Variants in ECHDC2 observed in about 807,000 individuals in gnomAD.
ECHDC2 encodes enoyl-CoA hydratase domain-containing protein 2, mitochondrial.
A neutral mutation model predicts 40.6 loss-of-function variants in ECHDC2; 34 were observed. The ratio of observed to expected loss-of-function variants is 0.84; its 90% CI spans 0.64 to 1.11. The LOEUF (loss-of-function observed/expected upper bound fraction) is 1.11. ECHDC2 is among the 50% of genes most tolerant of loss of function. The probability of loss-of-function intolerance (pLI) is 0.00; values close to 1 mark genes in which losing one functional copy is unlikely to be tolerated. For missense variants in ECHDC2, 392 were observed against 400.7 expected (o/e 0.98, Z 0.19); for synonymous variants, 162 against 166.6 (o/e 0.97, Z 0.21).
At chr1:52,908,023 G>A in intron 3 of ECHDC2, 69 bp from the exon 4 acceptor site, 1 of 1,470,612 alleles carries the variant, frequency 6.8e-7, no homozygotes, top group Non-Finnish European at 9.5e-7. Flanking sequence ...GGCGGTTAAA[G>A]GATCCAGCAA....
Position 52,914,109 on chromosome 1 carries a change from C to G in ECHDC2, c.122-2319G>C. On this transcript the variant is annotated intron_variant, in intron 1 of 9. Coordinates refer to ENST00000371522, the MANE Select transcript of ECHDC2 (RefSeq NM_001198961.2). The surrounding 1 kb of genome is among the most constrained non-coding windows in gnomAD (Gnocchi z 4.0). ...GGAACCTACAGCCTAGTGGGGAAGA[C>G]AGACATTAAATAATTACTATTTGTG... 1.9e-6 allele frequency: 1 copy of G among 526,380 alleles called. No individual in the cohort carries two copies. 32.6% of individuals were successfully genotyped at this position (526,380 alleles called of 1,614,324 possible).
Position 52,904,780 on chromosome 1 carries a change from T to C in ECHDC2, c.568A>G (p.Ile190Val). ...CCACTCAGTCGTCGGCCCGTGAAGA[T>C]GAGCTCCTTCGCCAGGGCCACCCCC... is the stretch of plus-strand genomic sequence containing the variant. ...CLGVALAKEL[I>V]FTGRRLSGTE... Residue 190 changes from isoleucine (I) to valine (V), a missense_variant, in exon 7 of 10, where the codon ATC (isoleucine) becomes GTC (valine). By Grantham distance (29) the Ile-to-Val change is conservative. Transcript: ENST00000371522. The C allele has an allele frequency of 6.2e-7, 1 of 1,613,206 alleles. No homozygotes were observed. Among genetic ancestry groups the C allele is most frequent in the Non-Finnish European group, 8.5e-7 (1 of 1,179,952 alleles).
intron 7 of ECHDC2, among the ~76,000 whole-genome samples, chr1:52,903,336 A>G (rs1647109584): frequency 6.6e-6 from 1 of 151,986 alleles, no homozygotes; most frequent in South Asian, 2.1e-4. Context: ...GGTGATTTCT[A>G]AGATTTTGGT....
At chr1:52,905,123 C>T in intron 5 of ECHDC2, 33 bp from the exon 6 acceptor site, 1 of 1,611,632 alleles carries the variant, frequency 6.2e-7, no homozygotes, top group Non-Finnish European at 8.5e-7. Context: ...GGCCTCCCTC[C>T]CCCATCCGGT....
At chr1:52,911,453 G>A (rs2275758) in intron 3 of ECHDC2, 113 bp downstream of exon 3, 35,056 of 1,010,770 alleles carry the variant, frequency 0.035, 1,400 homozygotes, top group East Asian at 0.21. Flanking sequence ...CATTCACATC[G>A]GTAAAATGGC....
chr1:52,917,223 GAAAA>G (rs569946278), intron 1 of ECHDC2, among the ~76,000 whole-genome samples: 1 of 99,918 alleles, frequency 1.0e-5, no homozygotes, highest in Non-Finnish European at 2.3e-5. Flanking sequence ...CCATCTCAAA[GAAAA>G]AAAAAAAAAA....
chr1:52,911,490 T>G, intron 3 of ECHDC2, 76 bp downstream of exon 3: 1 of 1,416,402 alleles, frequency 7.1e-7, no homozygotes, highest in East Asian at 2.3e-5. Context: ...CTGAAGCTGA[T>G]CTAAGGTTTC....
intron 4 of ECHDC2, 73 bp from the exon 5 acceptor site, chr1:52,906,684 G>A (rs569167927): frequency 1.5e-6 from 2 of 1,319,770 alleles, no homozygotes; most frequent in East Asian, 2.5e-5. Context: ...GCTGGGGAGG[G>A]GCAAGCTGGT....
Position 52,914,729 on chromosome 1 carries a change from TACCTC to T in ECHDC2, c.122-2944_122-2940del, listed in dbSNP as rs929080383. ...GAAGTTGATCCTGTCACCTCGCTCTTACCTCACCTACAAAATGCACTCAGTCACTA... is the reference window on the plus strand; with the variant it reads ...GAAGTTGATCCTGTCACCTCGCTCTTACCTACAAAATGCACTCAGTCACTA... On this transcript the variant is annotated intron_variant, in intron 1 of 9. Transcript: ENST00000371522. The surrounding 1 kb of genome is among the most constrained non-coding windows in gnomAD (Gnocchi z 4.0). 4.6e-5 allele frequency among the ~76,000 whole-genome samples: 7 copies of T among 152,184 alleles called. No individual in the cohort carries two copies. The highest frequency in any genetic ancestry group is 4.6e-4 in the Admixed American group (7 of 15,276).
intron 1 of ECHDC2, 62 bp from the exon 2 acceptor site, chr1:52,911,852 C>T: frequency 6.3e-7 from 1 of 1,594,510 alleles, no homozygotes; most frequent in Non-Finnish European, 8.5e-7. Flanking sequence ...GGGCTGCGGG[C>T]TGGGGACTGG....
Position 52,910,366 on chromosome 1 carries a change from T to G in ECHDC2, c.277+1200A>C, listed in dbSNP as rs1164938367. 7.0e-4 allele frequency among the ~76,000 whole-genome samples: 73 copies of G among 103,940 alleles called. 1 individual carries two copies. The highest frequency in any genetic ancestry group is 2.6e-3 in the African/African-American group (69 of 26,798). 68.2% of individuals were successfully genotyped at this position (103,940 alleles called of 152,430 possible). On this transcript the variant is annotated intron_variant, in intron 3 of 9. Coordinates refer to ENST00000371522, the MANE Select transcript of ECHDC2 (RefSeq NM_001198961.2). Reference sequence around the variant, plus strand: ...ACCACAATTTCGTTTTTTTTTTTTTTTTTTTTTTTTTTTTTTTTTTGAGAT... The same window carrying G: ...ACCACAATTTCGTTTTTTTTTTTTTGTTTTTTTTTTTTTTTTTTTTGAGAT...
At chr1:52,907,491 G>A (rs935808313) in intron 4 of ECHDC2, 5 of 202,810 alleles carry the variant, frequency 2.5e-5, no homozygotes, top group African/African-American at 1.2e-4. Context: ...GGGTGGGTTG[G>A]GAAGGCTTCC....
intron 8 of ECHDC2, 44 bp downstream of exon 8, chr1:52,899,130 G>C: frequency 6.2e-7 from 1 of 1,607,514 alleles, no homozygotes. Flanking sequence ...TCCCAGCCGC[G>C]ACCAACTTTA....
Position 52,921,707 on chromosome 1 carries a change from G to T in ECHDC2, c.-34C>A, listed in dbSNP as rs7552139. The T allele has an allele frequency of 2.7e-6, 4 of 1,484,268 alleles. No individual in the cohort carries two copies. The East Asian group carries it at 7.9e-5, about 29-fold the overall frequency. The allele number at this position is 1,484,268 out of a possible 1,614,324, so 91.9% of individuals were successfully genotyped here. ...AGGCTGGGAGTGAAGGTGCTTCTCC[G>T]GCCCTGCACCGTCTCGGCTCCCGCT... On this transcript the variant is annotated 5_prime_UTR_variant, in exon 1 of 10. Transcript: ENST00000371522.
chr1:52,899,758 A>G (rs1347508694), intron 7 of ECHDC2: 1 of 159,492 alleles, frequency 6.3e-6, no homozygotes, highest in African/African-American at 2.4e-5. Flanking sequence ...AGGGTTAGGA[A>G]CTTGGGCTTT....
intron 1 of ECHDC2, chr1:52,912,201 G>T: frequency 1.6e-4 from 36 of 231,416 alleles, no homozygotes; most frequent in Non-Finnish European, 2.6e-4. Context: ...GCGGGGGAGA[G>T]TTTTGCTGTT....
At chr1:52,897,319 T>G in intron 9 of ECHDC2, 118 bp downstream of exon 9, 1 of 1,033,798 alleles carries the variant, frequency 9.7e-7, no homozygotes, top group Admixed American at 1.7e-5. Flanking sequence ...GGACGATGGA[T>G]GCGGTCAGAC....
At chr1:52,916,786 C>T (rs528788349) in intron 1 of ECHDC2, among the ~76,000 whole-genome samples, 19 of 152,348 alleles carry the variant, frequency 1.2e-4, no homozygotes, top group African/African-American at 4.6e-4. Context: ...CATTGCCCTT[C>T]TGACCCCAAC....
rs115097865 is a variant in ECHDC2 at position 52,917,759 on chromosome 1, A to G, written c.121+3794T>C. On this transcript the variant is annotated intron_variant, in intron 1 of 9. Transcript: ENST00000371522. ...AAAATTCCTATTGCCTAGTGACACC[A>G]TAGCTGTCATAACATCATAGCGCAA... 1.3e-3 allele frequency: 536 copies of G among 417,980 alleles called. 5 individuals are homozygous for G. The highest frequency in any genetic ancestry group is 9.9e-3 in the African/African-American group (487 of 49,402). The allele number at this position is 417,980 out of a possible 1,614,324, so 25.9% of individuals were successfully genotyped here.
Sources: allele counts gnomAD v4.1 joint callset (sites outside exome capture counted in the v4.1 genomes callset), GRCh38; gene constraint gnomAD v4.1.1; non-coding constraint Gnocchi (gnomAD v3.1); transcripts MANE v1.5; gene names NCBI Gene and HGNC (gene_info 2026-07-23, HGNC 2026-07-21).